VPS13B: variants seen among roughly 807,000 people sequenced by gnomAD.
The protein encoded by VPS13B is vacuolar protein sorting 13 homolog B, also known as intermembrane lipid transfer protein VPS13B.
A neutral mutation model predicts 426.4 loss-of-function variants in VPS13B; 285 were observed. The observed-to-expected ratio is 0.67, with a 90% CI of 0.61 to 0.74. The LOEUF is 0.74. VPS13B is among the 30% of genes least tolerant of loss of function. The pLI is 0.00. For synonymous variants in VPS13B, 1,676 were observed against 1,676.4 expected (o/e 1.00, Z 0.01); for missense variants, 4,537 against 4,782.6 (o/e 0.95, Z 1.51).
chr8:99,475,283 G>C (rs751955497), intron 24 of VPS13B, among the ~76,000 whole-genome samples: 4 of 152,150 alleles, frequency 2.6e-5, no homozygotes, highest in Non-Finnish European at 5.9e-5. Context: ...ATACAGAACT[G>C]TTGTTTTTCT....
intron 34 of VPS13B, among the ~76,000 whole-genome samples, chr8:99,650,844 A>G (rs534659357): frequency 6.6e-6 from 1 of 152,318 alleles, no homozygotes; most frequent in Non-Finnish European, 1.5e-5. Flanking sequence ...GATTCAACCA[A>G]CCATAGATCA....
At chr8:99,583,143 T>C (rs1011238030) in intron 33 of VPS13B, among the ~76,000 whole-genome samples, 3 of 152,208 alleles carry the variant, frequency 2.0e-5, no homozygotes, top group African/African-American at 7.2e-5. Context: ...GAAGTTCTTT[T>C]TCTGCCTTCT....
chr8:99,598,540 T>C (rs1827128620), intron 33 of VPS13B, among the ~76,000 whole-genome samples: 1 of 152,086 alleles, frequency 6.6e-6, no homozygotes, highest in South Asian at 2.1e-4. Context: ...TAACACATGC[T>C]CATTTTCAAA....
At chr8:99,293,552 T>G (rs1392456138) in intron 19 of VPS13B, among the ~76,000 whole-genome samples, 17 of 117,096 alleles carry the variant, frequency 1.5e-4, no homozygotes, top group South Asian at 3.3e-4. Flanking sequence ...GGGATCTAAT[T>G]AAACTAAAGA....
intron 35 of VPS13B, among the ~76,000 whole-genome samples, chr8:99,688,404 G>A (rs1006214827): frequency 6.6e-6 from 1 of 151,970 alleles, no homozygotes; most frequent in African/African-American, 2.4e-5. Flanking sequence ...AAGGGGATTG[G>A]AATCAAGCAA....
chr8:99,731,272 A>G (rs184320127), intron 39 of VPS13B, among the ~76,000 whole-genome samples: 54 of 152,282 alleles, frequency 3.5e-4, no homozygotes, highest in Admixed American at 2.6e-3. Context: ...TTGTCATTTT[A>G]TATGTGATAT....
intron 16 of VPS13B, among the ~76,000 whole-genome samples, chr8:99,184,486 G>T (rs1342295728): frequency 6.6e-6 from 1 of 151,824 alleles, no homozygotes; most frequent in Non-Finnish European, 1.5e-5. Context: ...TTAAGATTTT[G>T]GATTTTATGT....
Position 99,096,530 on chromosome 8 carries a change from T to C in VPS13B, c.412+98T>C, listed in dbSNP as rs920643116. On this transcript the variant is annotated intron_variant, in intron 4 of 61. Coordinates refer to ENST00000357162, the MANE Select transcript of VPS13B (RefSeq NM_152564.5). ...CAGTGCTTTGGGGGGCTGAGGCGGGTGGATTACTTGAGGTCAGGAGTTTGA... is the reference window on the plus strand; with the variant it reads ...CAGTGCTTTGGGGGGCTGAGGCGGGCGGATTACTTGAGGTCAGGAGTTTGA... 3.9e-6 allele frequency: 6 copies of C among 1,530,846 alleles called. No individual in the cohort carries two copies. The South Asian group carries it at 4.6e-5, about 12-fold the overall frequency. The allele number at this position is 1,530,846 out of a possible 1,614,324, so 94.8% of individuals were successfully genotyped here. A position where few individuals can be genotyped will look rare whatever the true frequency, so the allele number is the denominator to read the frequency against.
In VPS13B at chr8:99,192,988, T is replaced by G; in HGVS notation, c.2446T>G (p.Ser816Ala). The G allele has an allele frequency of 6.2e-7, 1 of 1,613,744 alleles. No individual in the cohort carries two copies. ...LLLQAIYQSW[S>A]HLGNVSSSAV... ...CTTGCAAGCAATATATCAAAGTTGG[T>G]CTCATCTTGGAAATGTCAGCTCTTC... Residue 816 changes from serine (S) to alanine (A), a missense_variant, in exon 17 of 62, where the codon TCT becomes GCT. Ser to Ala is a moderately conservative substitution (Grantham distance 99). Transcript: ENST00000357162.
At chr8:99,113,397 C>G (rs916656497) in intron 6 of VPS13B, among the ~76,000 whole-genome samples, 2 of 152,102 alleles carry the variant, frequency 1.3e-5, no homozygotes, top group African/African-American at 4.8e-5. Flanking sequence ...GCCACCATGC[C>G]TGCCTGAGTT....
intron 39 of VPS13B, among the ~76,000 whole-genome samples, chr8:99,742,786 C>T (rs376290096): frequency 5.9e-5 from 9 of 151,932 alleles, no homozygotes; most frequent in East Asian, 1.9e-4. Flanking sequence ...CCCTTCACGC[C>T]AAAAACTCTC....
At chr8:99,517,043 G>T (rs1588455515) in intron 29 of VPS13B, among the ~76,000 whole-genome samples, 1 of 152,118 alleles carries the variant, frequency 6.6e-6, no homozygotes, top group Non-Finnish European at 1.5e-5. Flanking sequence ...GTCTTCAACT[G>T]CCAGTATGGC....
intron 19 of VPS13B, among the ~76,000 whole-genome samples, chr8:99,359,697 C>T (rs929389466): frequency 3.3e-5 from 5 of 152,204 alleles, no homozygotes; most frequent in African/African-American, 9.6e-5. Flanking sequence ...TAATTCAATA[C>T]GTGGATTAAC....
chr8:99,740,447 C>T (rs1809649034), intron 39 of VPS13B, among the ~76,000 whole-genome samples: 2 of 152,250 alleles, frequency 1.3e-5, no homozygotes, highest in East Asian at 3.9e-4. Context: ...GGCAGGCCAA[C>T]ATTCAAATTC....
chr8:99,853,668 C>G lies in VPS13B; in HGVS notation c.10279C>G (p.Leu3427Val), dbSNP rs750132695. The change falls in exon 56 of 62, where the codon CTG becomes GTG. Residue 3427 changes from leucine to valine, a missense_variant. Physicochemically the swap from Leu to Val is conservative, Grantham distance 32. This residue lies in a region of VPS13B where 4,311 missense variants were observed against 4,474.3 expected (regional missense o/e 0.96). Transcript: ENST00000357162. Reference protein sequence around the residue: ...LYCVEICCGDLQLDNQLYNKS... With the variant: ...LYCVEICCGDVQLDNQLYNKS... ...CTGTGTGGAGATCTGCTGTGGGGAC[C>G]TGCAGCTAGACAACCAGCTTTATAA... is the stretch of plus-strand genomic sequence containing the variant. The G allele has an allele frequency of 1.9e-6, 3 of 1,613,854 alleles. No homozygotes were observed. The Admixed American group carries it at 5.0e-5, about 27-fold the overall frequency.
At chr8:99,486,481 G>T (rs1820317611) in intron 25 of VPS13B, among the ~76,000 whole-genome samples, 1 of 152,110 alleles carries the variant, frequency 6.6e-6, no homozygotes, top group Non-Finnish European at 1.5e-5. Context: ...CTCCCAAAGT[G>T]CTGGGATTAC....
At chr8:99,658,463 A>G (rs942309094) in intron 34 of VPS13B, among the ~76,000 whole-genome samples, 2 of 152,194 alleles carry the variant, frequency 1.3e-5, no homozygotes, top group African/African-American at 4.8e-5. Context: ...TTAACAATAT[A>G]AAATAACTGT....
At chr8:99,196,206 G>GT (rs141659614) in intron 17 of VPS13B, among the ~76,000 whole-genome samples, 33 of 149,960 alleles carry the variant, frequency 2.2e-4, no homozygotes, top group African/African-American at 2.7e-4. Flanking sequence ...ATTTATTTGT[G>GT]TTTTTTTTTA....
intron 33 of VPS13B, among the ~76,000 whole-genome samples, chr8:99,602,351 G>T (rs558275289): frequency 6.6e-5 from 10 of 152,232 alleles, no homozygotes; most frequent in Admixed American, 6.5e-4. Context: ...TGTTCCATTG[G>T]TCTATATATC....
Sources: gnomAD v4.1 joint callset for allele counts (sites outside exome capture counted in the v4.1 genomes callset) on GRCh38, gnomAD v4.1.1 for gene constraint, gnomAD v4.1.1 regional missense constraint, MANE v1.5 for transcripts, NCBI Gene and HGNC (gene_info 2026-07-23, HGNC 2026-07-21) for gene names.